DNAH17: variants seen among roughly 807,000 people sequenced by gnomAD.
DNAH17 encodes axonemal beta dynein heavy chain 17.
A neutral mutation model predicts 485.6 loss-of-function variants in DNAH17; 376 were observed. The ratio of observed to expected loss-of-function variants is 0.77; its 90% confidence interval spans 0.71 to 0.84. The LOEUF (loss-of-function observed/expected upper bound fraction) is 0.84. Among genes scored for constraint, DNAH17 ranks in the 40% least tolerant of loss-of-function variants. The pLI, the probability that DNAH17 is intolerant of heterozygous loss-of-function variation, is 0.00. For synonymous variants in DNAH17, 3,031 were observed against 2,405.9 expected, an observed-to-expected ratio of 1.26 and a Z score of -7.60; for missense variants, 6,370 against 5,839.3, an observed-to-expected ratio of 1.09 and a Z score of -2.96.
chr17:78,505,653 G>A (rs906672741), intron 30 of DNAH17, among the ~76,000 whole-genome samples: 4 of 152,156 alleles, frequency 2.6e-5, no homozygotes, highest in South Asian at 2.1e-4. Context: ...GCCAGGAACC[G>A]CAGCCCTTCT....
Position 78,458,981 on chromosome 17 carries a change from G to T in DNAH17, c.9861+20C>A. The T allele has an allele frequency of 6.2e-7, 1 of 1,613,102 alleles. No individual in the cohort carries two copies. Among genetic ancestry groups the T allele is most frequent in the South Asian group, 1.1e-5 (1 of 91,024 alleles). On this transcript the variant is annotated intron_variant, in intron 61 of 80. Transcript: ENST00000389840. ...AGCGGCTCTGGTGTTTCGCAGGGAC[G>T]GGAGCGAGCCGGCACTTACGGCAAT... is the stretch of plus-strand genomic sequence containing the variant.
Position 78,507,441 on chromosome 17 carries a change from C to T in DNAH17, c.4584+17G>A. 1.2e-6 allele frequency: 2 copies of T among 1,613,366 alleles called. No homozygotes were observed. Among genetic ancestry groups the T allele is most frequent in the Non-Finnish European group, 1.7e-6 (2 of 1,179,340 alleles). ...AGTCATTTCTGAAGTGCGTGGGAAC[C>T]ACCGGGCTGTGCTCACCTTGAATTC... On this transcript the variant is annotated intron_variant, in intron 28 of 80. Coordinates refer to ENST00000389840, the MANE Select transcript of DNAH17 (RefSeq NM_173628.4).
At chr17:78,488,671 C>G (rs889807047) in intron 44 of DNAH17, among the ~76,000 whole-genome samples, 1 of 152,114 alleles carries the variant, frequency 6.6e-6, no homozygotes, top group South Asian at 2.1e-4. Flanking sequence ...ACCCAGAACC[C>G]AGAATGTGCC....
intron 77 of DNAH17, among the ~76,000 whole-genome samples, chr17:78,427,917 G>A (rs991814638): frequency 6.7e-6 from 1 of 148,642 alleles, no homozygotes; most frequent in Non-Finnish European, 1.5e-5. Context: ...AGTGAGCCGA[G>A]ATCGTGCCAT....
chr17:78,479,204 A>G, intron 50 of DNAH17, 88 bp from the exon 51 acceptor site: 2 of 1,332,994 alleles, frequency 1.5e-6, no homozygotes, highest in Non-Finnish European at 2.1e-6. Context: ...CCAATGGACT[A>G]CGAAATGGTG....
intron 62 of DNAH17, 55 bp from the exon 63 acceptor site, chr17:78,455,891 C>A: frequency 7.0e-7 from 1 of 1,427,256 alleles, no homozygotes; most frequent in Non-Finnish European, 9.3e-7. Flanking sequence ...GGGACTGGAC[C>A]AGACAAGCCT....
At chr17:78,569,811 G>GC (rs981110704) in intron 7 of DNAH17, among the ~76,000 whole-genome samples, 3 of 152,218 alleles carry the variant, frequency 2.0e-5, no homozygotes, top group African/African-American at 7.2e-5. Context: ...TGCAGACGGG[G>GC]CCACAGCATG....
chr17:78,505,728 C>A (rs1316882030), intron 30 of DNAH17, among the ~76,000 whole-genome samples: 3 of 152,192 alleles, frequency 2.0e-5, no homozygotes, highest in African/African-American at 7.2e-5. Flanking sequence ...CCTGTAATCC[C>A]AGCACTTTGG....
chr17:78,476,337 AC>A (rs2089019575), intron 52 of DNAH17, among the ~76,000 whole-genome samples: 4 of 91,640 alleles, frequency 4.4e-5, no homozygotes, highest in Non-Finnish European at 8.7e-5. Flanking sequence ...ACCCACAGCC[AC>A]GTGCCGGAGT....
Position 78,532,470 on chromosome 17 carries a change from G to A in DNAH17, c.3114+12C>T. The A allele has an allele frequency of 6.2e-7, 1 of 1,604,490 alleles. No homozygotes were observed. On this transcript the variant is annotated intron_variant, in intron 20 of 80. Coordinates refer to ENST00000389840, the MANE Select transcript of DNAH17 (RefSeq NM_173628.4). The stretch of plus-strand genomic sequence containing the variant: ...GGAGACAAGGAGGCTGGTGGGTGAG[G>A]TCTGCACGCACCTGCTCCTGGAACT...
intron 48 of DNAH17, 129 bp downstream of exon 48, chr17:78,484,739 A>ACCCCCCCCGCC: frequency 2.9e-6 from 1 of 347,798 alleles, no homozygotes. Context: ...ACGTTGCAGC[A>ACCCCCCCCGCC]CCCCCCCCAC....
At chr17:78,533,780 G>A (rs1257927172) in intron 19 of DNAH17, among the ~76,000 whole-genome samples, 4 of 152,136 alleles carry the variant, frequency 2.6e-5, no homozygotes, top group Non-Finnish European at 5.9e-5. Flanking sequence ...TGCCTCCCAG[G>A]TTCAAGTGAT....
chr17:78,550,089 CT>C (rs2091865034), intron 16 of DNAH17, among the ~76,000 whole-genome samples: 1 of 152,202 alleles, frequency 6.6e-6, no homozygotes, highest in Admixed American at 6.5e-5. Context: ...GGGAAATGGC[CT>C]GTGTGCCAGA....
intron 44 of DNAH17, among the ~76,000 whole-genome samples, chr17:78,489,090 C>T (rs769073874): frequency 7.9e-5 from 12 of 152,130 alleles, no homozygotes; most frequent in Non-Finnish European, 1.3e-4. Context: ...CTGGAGAAGC[C>T]GGCACAGAGG....
intron 51 of DNAH17, among the ~76,000 whole-genome samples, chr17:78,478,610 G>A (rs538652029): frequency 6.1e-4 from 62 of 101,096 alleles, no homozygotes; most frequent in Middle Eastern, 0.018. Flanking sequence ...CACCACCACC[G>A]TCATCACCCC....
chr17:78,431,293 T>G (rs551552077), intron 75 of DNAH17, among the ~76,000 whole-genome samples: 4 of 152,264 alleles, frequency 2.6e-5, no homozygotes, highest in African/African-American at 9.6e-5. Context: ...TCCTGCATCT[T>G]GCTTAGCAGC....
intron 42 of DNAH17, among the ~76,000 whole-genome samples, chr17:78,492,351 T>C (rs1248871381): frequency 1.3e-5 from 2 of 152,160 alleles, no homozygotes; most frequent in Non-Finnish European, 2.9e-5. Context: ...GGGTCACACC[T>C]GTCCTTGCTC....
intron 12 of DNAH17, among the ~76,000 whole-genome samples, chr17:78,561,378 C>T (rs2092150516): frequency 6.6e-6 from 1 of 152,120 alleles, no homozygotes; most frequent in Non-Finnish European, 1.5e-5. Context: ...TGAAGCCTCC[C>T]CGGCCCCTGG....
intron 20 of DNAH17, among the ~76,000 whole-genome samples, chr17:78,531,337 C>CT (rs35874440): frequency 0.069 from 8,381 of 122,316 alleles, 526 homozygotes; most frequent in African/African-American, 0.11. Context: ...TAAAGTCTGT[C>CT]TTTTTTTTTT....
Sources: allele counts gnomAD v4.1 joint callset (sites outside exome capture counted in the v4.1 genomes callset), GRCh38; gene constraint gnomAD v4.1.1; transcripts MANE v1.5; gene names NCBI Gene and HGNC (gene_info 2026-07-23, HGNC 2026-07-21).